The following BAZ1A variants were observed in gnomAD, a reference collection of about 807,000 sequenced individuals.
BAZ1A encodes bromodomain adjacent to zinc finger domain protein 1A.
A neutral mutation model predicts 185.2 loss-of-function variants in BAZ1A; 50 were observed. That is an observed-to-expected ratio of 0.27 (90% CI 0.22 to 0.34). BAZ1A has a LOEUF of 0.34. BAZ1A is among the 10% of genes least tolerant of loss of function. The pLI is 1.00. For missense variants in BAZ1A, 1,356 were observed against 1,839.9 expected (o/e 0.74, Z 4.81); for synonymous variants, 571 against 615.6 (o/e 0.93, Z 1.07).
intron 4 of BAZ1A, among the ~76,000 whole-genome samples, chr14:34,814,354 T>G (rs1385971496): frequency 6.6e-6 from 1 of 152,056 alleles, no homozygotes; most frequent in Non-Finnish European, 1.5e-5. Context: ...CCCCACATTT[T>G]AGTGAATTAT....
rs112146295 is a variant in BAZ1A, at chr14:34,807,871, C to T, written c.639-333G>A. Among the ~76,000 whole-genome samples the T allele has an allele frequency of 3.0e-3, 451 of 150,754 alleles. 3 individuals are homozygous for T. Among genetic ancestry groups the T allele is most frequent in the African/African-American group, 0.01 (431 of 41,048 alleles). On this transcript the variant is annotated intron_variant, in intron 5 of 26. Coordinates refer to ENST00000360310, the MANE Select transcript of BAZ1A (RefSeq NM_013448.3). Reference sequence around the variant, plus strand: ...CTGTAATCCCAGCACTTTGCGAGGCCGAGGCGGGTGGATGACGAGGTCAGG... The same window carrying T: ...CTGTAATCCCAGCACTTTGCGAGGCTGAGGCGGGTGGATGACGAGGTCAGG...
At chr14:34,756,633 T>G (rs982712633) in intron 25 of BAZ1A, among the ~76,000 whole-genome samples, 1 of 151,800 alleles carries the variant, frequency 6.6e-6, no homozygotes, top group Non-Finnish European at 1.5e-5. Context: ...GCTCAGCTAA[T>G]TTTTGCATTT....
At position 34,795,898 on chromosome 14, in the gene BAZ1A, T is replaced by C. The variant is rs1881163543; in HGVS notation, c.1129-133A>G. 8.1e-6 allele frequency: 5 copies of C among 620,244 alleles called. No homozygotes were observed. The South Asian group carries it at 1.1e-4, about 14-fold the overall frequency. The allele number at this position is 620,244 out of a possible 1,614,324, so 38.4% of individuals were successfully genotyped here. A position where few individuals can be genotyped will look rare whatever the true frequency, so the allele number is the denominator to read the frequency against. On this transcript the variant is annotated intron_variant, in intron 9 of 26. Coordinates refer to ENST00000360310, the MANE Select transcript of BAZ1A (RefSeq NM_013448.3). Reference sequence around the variant, plus strand: ...ACCTACTGAAGCAGTAACTCTGAGGTTAGGACTTAGCAACTGGTGTTCTAG... The same window carrying C: ...ACCTACTGAAGCAGTAACTCTGAGGCTAGGACTTAGCAACTGGTGTTCTAG...
At chr14:34,821,667 C>T (rs1298242700) in intron 4 of BAZ1A, among the ~76,000 whole-genome samples, 2 of 152,220 alleles carry the variant, frequency 1.3e-5, no homozygotes, top group Admixed American at 6.5e-5. Context: ...GGCTCAGATT[C>T]TTTAATCATA....
chr14:34,833,063 C>T (rs1001456990), intron 3 of BAZ1A, among the ~76,000 whole-genome samples: 1 of 151,866 alleles, frequency 6.6e-6, no homozygotes, highest in Admixed American at 6.6e-5. Context: ...AGAGTGAGAC[C>T]CCCAACTCTA....
chr14:34,762,286 T>C, intron 23 of BAZ1A, 63 bp from the exon 24 acceptor site: 1 of 1,459,210 alleles, frequency 6.9e-7, no homozygotes, highest in Non-Finnish European at 9.4e-7. Context: ...TGATTAGCTC[T>C]ATTCTCCTTG....
rs769838499 is a variant in BAZ1A, at chr14:34,795,787, TAAC to T, written c.1129-25_1129-23del. On this transcript the variant is annotated intron_variant, in intron 9 of 26. Transcript: ENST00000360310. ...TTTCCTAGAAATTTTTAAAAGTTAATAACAATTCATGTAAGAAATTTATATGGC... is the reference window on the plus strand; with the variant it reads ...TTTCCTAGAAATTTTTAAAAGTTAATAATTCATGTAAGAAATTTATATGGC... 3 of 1,562,684 alleles carry T rather than the reference TAAC, an allele frequency of 1.9e-6. No individual in the cohort carries two copies. In the Admixed American group the frequency reaches 5.2e-5, roughly 27 times the overall value.
At chr14:34,776,778 C>T (rs1879646292) in intron 17 of BAZ1A, among the ~76,000 whole-genome samples, 1 of 152,148 alleles carries the variant, frequency 6.6e-6, no homozygotes, top group African/African-American at 2.4e-5. Flanking sequence ...ATCTTGTTAT[C>T]TGACATGCAC....
intron 20 of BAZ1A, 38 bp downstream of exon 20, chr14:34,773,534 G>A: frequency 4.8e-6 from 7 of 1,463,688 alleles, no homozygotes; most frequent in Admixed American, 2.5e-5. Context: ...AAAATGGCAA[G>A]GAAAAGTAAT....
chr14:34,763,418 G>GTT (rs144841507), intron 23 of BAZ1A, among the ~76,000 whole-genome samples: 15 of 126,532 alleles, frequency 1.2e-4, no homozygotes, highest in African/African-American at 4.0e-4. Flanking sequence ...GGGTTCAAAT[G>GTT]TTTAAAAAAA....
At chr14:34,828,182 A>G (rs374573178) in intron 3 of BAZ1A, among the ~76,000 whole-genome samples, 18 of 150,514 alleles carry the variant, frequency 1.2e-4, no homozygotes, top group African/African-American at 3.9e-4. Flanking sequence ...AATCCCAGCT[A>G]CTCCGGAGGC....
chr14:34,834,818 A>G (rs778587971), intron 3 of BAZ1A, among the ~76,000 whole-genome samples: 9 of 152,176 alleles, frequency 5.9e-5, no homozygotes, highest in Non-Finnish European at 1.2e-4. Context: ...GGGTGTATGT[A>G]AAAAAACAGA....
intron 3 of BAZ1A, among the ~76,000 whole-genome samples, chr14:34,842,844 T>C (rs1035761266): frequency 2.6e-5 from 4 of 151,918 alleles, no homozygotes; most frequent in Non-Finnish European, 5.9e-5. Flanking sequence ...CTTCAAACTG[T>C]AAAATGACCA....
At chr14:34,846,695 T>G (rs1005787388) in intron 3 of BAZ1A, among the ~76,000 whole-genome samples, 19 of 152,070 alleles carry the variant, frequency 1.2e-4, no homozygotes, top group African/African-American at 4.6e-4. Flanking sequence ...TGCATAAGGG[T>G]TCTAAATGTT....
chr14:34,869,281 A>C (rs1310627776), intron 2 of BAZ1A, among the ~76,000 whole-genome samples: 1 of 152,184 alleles, frequency 6.6e-6, no homozygotes, highest in Non-Finnish European at 1.5e-5. Flanking sequence ...CTAAAATGTA[A>C]GTGCACTCAA....
Position 34,773,562 on chromosome 14 carries a change from C to A in BAZ1A, c.3152+10G>T, listed in dbSNP as rs368474203. Reference sequence around the variant, plus strand: ...AAAGTAATGGTTACTTTAGAAAAATCTTTTTGTACCTGTCTTTTACTATGA... The same window carrying A: ...AAAGTAATGGTTACTTTAGAAAAATATTTTTGTACCTGTCTTTTACTATGA... On this transcript the variant is annotated intron_variant, in intron 20 of 26. Coordinates refer to ENST00000360310, the MANE Select transcript of BAZ1A (RefSeq NM_013448.3). 67 of 1,508,508 alleles carry A rather than the reference C, an allele frequency of 4.4e-5. No individual in the cohort carries two copies. The African/African-American group carries it at 7.3e-4, about 16-fold the overall frequency. 93.4% of individuals were successfully genotyped at this position (1,508,508 alleles called of 1,614,324 possible).
intron 15 of BAZ1A, 104 bp downstream of exon 15, chr14:34,783,658 C>T: frequency 7.1e-7 from 1 of 1,415,028 alleles, no homozygotes; most frequent in Non-Finnish European, 9.5e-7. Flanking sequence ...AGCCATCAAA[C>T]ATCAGTATAA....
chr14:34,787,449 C>T (rs1474333686), intron 12 of BAZ1A, among the ~76,000 whole-genome samples: 1 of 151,826 alleles, frequency 6.6e-6, no homozygotes, highest in Admixed American at 6.6e-5. Flanking sequence ...CTTTGGGAGG[C>T]TGAGGCGGGC....
chr14:34,830,090 T>G (rs2042219293), intron 3 of BAZ1A, among the ~76,000 whole-genome samples: 1 of 152,184 alleles, frequency 6.6e-6, no homozygotes, highest in African/African-American at 2.4e-5. Context: ...TGAAAAACAG[T>G]GTGACAACTC....
Sources: gnomAD v4.1 joint callset for allele counts (sites outside exome capture counted in the v4.1 genomes callset) on GRCh38, gnomAD v4.1.1 for gene constraint, MANE v1.5 for transcripts, NCBI Gene and HGNC (gene_info 2026-07-23, HGNC 2026-07-21) for gene names.